Variants in VPS13B observed in about 807,000 individuals in gnomAD.
The protein encoded by VPS13B is intermembrane lipid transfer protein VPS13B.
In VPS13B, 285 loss-of-function variants were observed where a neutral mutation model predicts 426.4. The ratio of observed to expected loss-of-function variants is 0.67; its 90% CI spans 0.61 to 0.74. The LOEUF is 0.74. Among genes scored for constraint, VPS13B ranks in the 30% least tolerant of loss-of-function variants. VPS13B has a pLI of 0.00. For missense variants in VPS13B, 4,537 were observed against 4,782.6 expected (o/e 0.95, Z 1.51); for synonymous variants, 1,676 against 1,676.4 (o/e 1.00, Z 0.01).
At chr8:99,696,887 G>C (rs955543451) in intron 35 of VPS13B, 1 of 787,470 alleles carries the variant, frequency 1.3e-6, no homozygotes. Context: ...CAACTTCTGC[G>C]GTTCCAGCTC....
At chr8:99,275,926 C>T (rs1028742258) in intron 19 of VPS13B, among the ~76,000 whole-genome samples, 1 of 152,120 alleles carries the variant, frequency 6.6e-6, no homozygotes, top group African/African-American at 2.4e-5. Flanking sequence ...AAGCTAGCAA[C>T]GTGATAGTAA....
At chr8:99,048,842 C>T (rs1346461706) in intron 3 of VPS13B, among the ~76,000 whole-genome samples, 1 of 151,408 alleles carries the variant, frequency 6.6e-6, no homozygotes, top group Admixed American at 6.6e-5. Flanking sequence ...TTTGGGAGCT[C>T]CAGTGTTAAG....
chr8:99,863,224 T>C (rs1242364978), intron 58 of VPS13B, among the ~76,000 whole-genome samples: 2 of 152,168 alleles, frequency 1.3e-5, no homozygotes, highest in Non-Finnish European at 2.9e-5. Context: ...ATCATTATCA[T>C]AGTATGGTAG....
intron 1 of VPS13B, 118 bp downstream of exon 1, chr8:99,013,465 G>A (rs1841428880): frequency 5.3e-6 from 2 of 378,408 alleles, no homozygotes; most frequent in Non-Finnish European, 1.0e-5. Context: ...GGGGTGGCTG[G>A]GTTGGTGAAG....
At chr8:99,327,202 C>A (rs531971400) in intron 19 of VPS13B, among the ~76,000 whole-genome samples, 2 of 152,272 alleles carry the variant, frequency 1.3e-5, no homozygotes, top group South Asian at 4.2e-4. Flanking sequence ...TACAGAATTG[C>A]AGTCAACCTA....
At chr8:99,024,145 C>A (rs1405186181) in intron 2 of VPS13B, among the ~76,000 whole-genome samples, 1 of 152,024 alleles carries the variant, frequency 6.6e-6, no homozygotes, top group Non-Finnish European at 1.5e-5. Flanking sequence ...TCCATTTTCC[C>A]TGTGATTAGT....
At chr8:99,022,993 CTT>C (rs926868254) in intron 2 of VPS13B, among the ~76,000 whole-genome samples, 2 of 144,424 alleles carry the variant, frequency 1.4e-5, no homozygotes, top group African/African-American at 2.5e-5. Flanking sequence ...CTTTTCTTTT[CTT>C]TTTTTTTTTC....
At chr8:99,266,327 A>G (rs1213377725) in intron 17 of VPS13B, among the ~76,000 whole-genome samples, 1 of 151,978 alleles carries the variant, frequency 6.6e-6, no homozygotes, top group African/African-American at 2.4e-5. Context: ...TGGGAGGATC[A>G]CTTGAGCCCA....
intron 27 of VPS13B, among the ~76,000 whole-genome samples, chr8:99,506,098 C>G (rs1376673847): frequency 6.6e-6 from 1 of 152,242 alleles, no homozygotes; most frequent in African/African-American, 2.4e-5. Flanking sequence ...TACGTCCCAT[C>G]CATTCTCTAT....
At chr8:99,675,740 A>G (rs939121541) in intron 35 of VPS13B, among the ~76,000 whole-genome samples, 3 of 151,054 alleles carry the variant, frequency 2.0e-5, no homozygotes, top group Non-Finnish European at 4.4e-5. Context: ...TCTCTTTTTT[A>G]TCTTTCATTT....
chr8:99,223,761 TAGAGATGCATTCAA>T (rs1815860346), intron 17 of VPS13B, among the ~76,000 whole-genome samples: 7 of 152,174 alleles, frequency 4.6e-5, no homozygotes, highest in Admixed American at 3.3e-4. Context: ...TAAAATTGAA[TAGAGATGCATTCAA>T]AGAATGTATT....
chr8:99,466,546 G>A (rs1819122334), intron 23 of VPS13B, among the ~76,000 whole-genome samples: 1 of 151,910 alleles, frequency 6.6e-6, no homozygotes, highest in Admixed American at 6.6e-5. Context: ...AGAAATAAAT[G>A]GCTTTATCTC....
intron 2 of VPS13B, among the ~76,000 whole-genome samples, chr8:99,014,578 A>G (rs1841513898): frequency 6.6e-6 from 1 of 151,892 alleles, no homozygotes; most frequent in Non-Finnish European, 1.5e-5. Flanking sequence ...TATGTTGTCA[A>G]AATTCTGTAT....
chr8:99,066,835 A>G (rs910359739), intron 3 of VPS13B, among the ~76,000 whole-genome samples: 8 of 151,500 alleles, frequency 5.3e-5, no homozygotes, highest in African/African-American at 1.7e-4. Context: ...AAAAGTGGGC[A>G]AAGGACAGAC....
intron 4 of VPS13B, among the ~76,000 whole-genome samples, chr8:99,098,696 T>C (rs1846561572): frequency 6.6e-6 from 1 of 152,134 alleles, no homozygotes; most frequent in Non-Finnish European, 1.5e-5. Context: ...AATGGCTAAA[T>C]TACTCTGTGG....
chr8:99,678,123 C>T (rs1032636863), intron 35 of VPS13B, among the ~76,000 whole-genome samples: 3 of 152,130 alleles, frequency 2.0e-5, no homozygotes, highest in Non-Finnish European at 2.9e-5. Flanking sequence ...GCCATTTTCT[C>T]TCTTCTCTCT....
chr8:99,062,498 C>T (rs922346092), intron 3 of VPS13B, among the ~76,000 whole-genome samples: 6 of 152,112 alleles, frequency 3.9e-5, no homozygotes, highest in Non-Finnish European at 7.4e-5. Context: ...GGCAGAGTTT[C>T]GCTTTTGTTG....
intron 21 of VPS13B, among the ~76,000 whole-genome samples, chr8:99,427,131 T>C (rs1318020401): frequency 2.2e-5 from 1 of 45,416 alleles, no homozygotes; most frequent in Non-Finnish European, 4.3e-5. Context: ...TTCCTACATA[T>C]GGCTAGCCAG....
At chr8:99,097,629 A>G (rs1846499408) in intron 4 of VPS13B, among the ~76,000 whole-genome samples, 1 of 152,196 alleles carries the variant, frequency 6.6e-6, no homozygotes, top group Admixed American at 6.5e-5. Context: ...AGACAGATCA[A>G]AAATGAAAGT....
Sources: gnomAD v4.1 joint callset for allele counts (sites outside exome capture counted in the v4.1 genomes callset) on GRCh38, gnomAD v4.1.1 for gene constraint, MANE v1.5 for transcripts, NCBI Gene and HGNC (gene_info 2026-07-23, HGNC 2026-07-21) for gene names.